The following NHSL1 variants were observed in gnomAD, a reference collection of about 807,000 sequenced individuals.
NHSL1 encodes NHS-like protein 1.
A neutral mutation model predicts 95.0 loss-of-function variants in NHSL1; 48 were observed. That is an observed-to-expected ratio of 0.51 (90% CI 0.40 to 0.64). NHSL1 has a LOEUF of 0.64. Among genes scored for constraint, NHSL1 ranks in the 30% least tolerant of loss-of-function variants. The pLI, the probability that NHSL1 is intolerant of heterozygous loss-of-function variation, is 0.00. For synonymous variants in NHSL1, 783 were observed against 833.9 expected, an observed-to-expected ratio of 0.94 and a Z score of 1.05; for missense variants, 1,971 against 2,077.7, an observed-to-expected ratio of 0.95 and a Z score of 1.00.
intron 1 of NHSL1, among the ~76,000 whole-genome samples, chr6:138,557,203 A>G (rs1011992308): frequency 2.6e-5 from 4 of 152,250 alleles, no homozygotes; most frequent in African/African-American, 9.6e-5. Flanking sequence ...AGCCAACAGA[A>G]GATAAACATG....
chr6:138,446,507 A>T (rs1033027580), intron 4 of NHSL1, among the ~76,000 whole-genome samples: 12 of 152,222 alleles, frequency 7.9e-5, no homozygotes, highest in Non-Finnish European at 1.8e-4. Context: ...TTAATATAAC[A>T]TATTCTGAAA....
chr6:138,434,554 A>G (rs1262759010), intron 5 of NHSL1, among the ~76,000 whole-genome samples: 1 of 152,172 alleles, frequency 6.6e-6, no homozygotes, highest in East Asian at 1.9e-4. Flanking sequence ...AAAAAAAATC[A>G]CAAAGACAAG....
intron 1 of NHSL1, among the ~76,000 whole-genome samples, chr6:138,655,384 T>C (rs185730203): frequency 2.0e-5 from 3 of 152,350 alleles, no homozygotes; most frequent in East Asian, 3.9e-4. Flanking sequence ...GCTCTCCCGC[T>C]TGACCCAGCA....
At chr6:138,582,007 G>A (rs1562382261) in intron 1 of NHSL1, among the ~76,000 whole-genome samples, 2 of 149,264 alleles carry the variant, frequency 1.3e-5, no homozygotes, top group Non-Finnish European at 3.0e-5. Context: ...AGCGATTCTC[G>A]AGCCTCCACC....
chr6:138,512,437 C>G, intron 1 of NHSL1: 1 of 380,584 alleles, frequency 2.6e-6, no homozygotes, highest in Non-Finnish European at 5.2e-6. Flanking sequence ...CAGTAACCTC[C>G]CTCTTCTTCT....
intron 1 of NHSL1, among the ~76,000 whole-genome samples, chr6:138,648,719 G>T (rs776845696): frequency 6.6e-6 from 1 of 152,188 alleles, no homozygotes; most frequent in Non-Finnish European, 1.5e-5. Context: ...ACTGAAAGCA[G>T]TCGTTTTCTT....
At chr6:138,547,956 G>C (rs1314419518), upstream of NHSL1, among the ~76,000 whole-genome samples, 1 of 152,180 alleles carries the variant, frequency 6.6e-6, no homozygotes, top group African/African-American at 2.4e-5. Flanking sequence ...ATTGTACAGA[G>C]AGAGAAAGGA....
chr6:138,573,159 C>T (rs879067588), upstream of NHSL1, among the ~76,000 whole-genome samples: 16 of 152,146 alleles, frequency 1.1e-4, no homozygotes, highest in South Asian at 2.1e-4. Flanking sequence ...CAGAGAGCTA[C>T]GCTAGTGGCA....
rs1474720113 is a variant in NHSL1 at position 138,431,418 on chromosome 6, G to A, written c.2927C>T (p.Pro976Leu). The stretch of plus-strand genomic sequence containing the variant: ...GGAGCAGAAAGGAATGAGAGCTTCT[G>A]GCGGCGGAGGGGGGAACACAGGAGA... ...PHSPVFPPPP[P>L]EALIPFCSPP... Residue 976 changes from proline (P) to leucine (L), a missense_variant, in exon 6 of 8, where the codon CCA becomes CTA. Physicochemically the swap from Pro to Leu is moderately conservative, Grantham distance 98. Around this residue, in one of 3 missense-constraint regions of NHSL1, gnomAD observed 1,602 missense variants for 1,654.5 expected, o/e 0.97. Coordinates refer to ENST00000343505, the MANE Select transcript of NHSL1 (RefSeq NM_001144060.2). The surrounding 1 kb of genome is among the most constrained non-coding windows in gnomAD (Gnocchi z 4.0). 3 of 1,550,676 alleles carry A rather than the reference G, an allele frequency of 1.9e-6. No homozygotes were observed. The highest frequency in any genetic ancestry group is 2.6e-6 in the Non-Finnish European group (3 of 1,146,790).
intron 1 of NHSL1, among the ~76,000 whole-genome samples, chr6:138,626,378 G>A (rs1784737431): frequency 6.6e-6 from 1 of 152,188 alleles, no homozygotes; most frequent in African/African-American, 2.4e-5. Context: ...AACAGTGGTA[G>A]ATAGGTTGAT....
At chr6:138,610,461 G>A (rs1362537838) in intron 1 of NHSL1, among the ~76,000 whole-genome samples, 2 of 151,378 alleles carry the variant, frequency 1.3e-5, no homozygotes, top group Non-Finnish European at 2.9e-5. Flanking sequence ...AATGGGTGCA[G>A]CACACCAACA....
At chr6:138,571,535 A>G (rs1783838718) in intron 1 of NHSL1, 1 of 624,946 alleles carries the variant, frequency 1.6e-6, no homozygotes, top group African/African-American at 1.8e-5. Flanking sequence ...CAAGCTGAGG[A>G]AGAGCATTTT....
intron 1 of NHSL1, among the ~76,000 whole-genome samples, chr6:138,675,620 C>T (rs181041856): frequency 5.9e-5 from 9 of 152,170 alleles, no homozygotes; most frequent in Admixed American, 2.0e-4. Context: ...CTGGAACCTC[C>T]GTCTCCTCGG....
chr6:138,538,278 C>T (rs1782440482), intron 1 of NHSL1, among the ~76,000 whole-genome samples: 1 of 152,118 alleles, frequency 6.6e-6, no homozygotes, highest in South Asian at 2.1e-4. Flanking sequence ...AGATAGAGTA[C>T]CACCACTGGG....
intron 7 of NHSL1, among the ~76,000 whole-genome samples, chr6:138,426,042 G>A (rs1308723430): frequency 6.6e-6 from 1 of 152,218 alleles, no homozygotes; most frequent in Admixed American, 6.5e-5. Flanking sequence ...TCCATTGCCA[G>A]TGACAAAGAG....
chr6:138,565,662 G>A (rs1047791297), intron 1 of NHSL1, among the ~76,000 whole-genome samples: 10 of 151,886 alleles, frequency 6.6e-5, no homozygotes, highest in African/African-American at 2.4e-4. Context: ...TGGTGGCTCA[G>A]GCTTATAATC....
chr6:138,534,410 G>A (rs1318317590), intron 1 of NHSL1, among the ~76,000 whole-genome samples: 1 of 152,030 alleles, frequency 6.6e-6, no homozygotes, highest in African/African-American at 2.4e-5. Context: ...CAGTGAGTTG[G>A]GTTGGATCCT....
At chr6:138,617,283 G>T (rs1003756237) in intron 1 of NHSL1, among the ~76,000 whole-genome samples, 10 of 152,108 alleles carry the variant, frequency 6.6e-5, no homozygotes, top group African/African-American at 2.4e-4. Context: ...TCTTTCAGGC[G>T]GTGGGAAGGG....
At position 138,429,698 on chromosome 6, in the gene NHSL1, G is replaced by A. The variant is rs1481879636; in HGVS notation, c.4085+13C>T. 5 of 1,544,790 alleles carry A rather than the reference G, an allele frequency of 3.2e-6. No individual in the cohort carries two copies. The highest frequency in any genetic ancestry group is 3.5e-6 in the Non-Finnish European group (4 of 1,144,132). ...CACAGTAGATTAAAGTCAGAGGAAG[G>A]AGTTTGAAATACCTGTGAATAGCTG... On this transcript the variant is annotated intron_variant, in intron 7 of 7. Coordinates refer to ENST00000343505, the MANE Select transcript of NHSL1 (RefSeq NM_001144060.2).
Sources: gnomAD v4.1 joint callset for allele counts (sites outside exome capture counted in the v4.1 genomes callset) on GRCh38, gnomAD v4.1.1 for gene constraint, gnomAD v4.1.1 regional missense constraint, Gnocchi (gnomAD v3.1) non-coding constraint, MANE v1.5 for transcripts, NCBI Gene and HGNC (gene_info 2026-07-23, HGNC 2026-07-21) for gene names.